The following LPCAT3 variants were observed in gnomAD, a reference collection of about 807,000 sequenced individuals.
The protein encoded by LPCAT3 is lysophosphatidylcholine acyltransferase 3.
A neutral mutation model predicts 63.4 loss-of-function variants in LPCAT3; 21 were observed. That is an observed-to-expected ratio of 0.33 (90% CI 0.23 to 0.48). LPCAT3 has a LOEUF of 0.48. LPCAT3 is among the 20% of genes least tolerant of loss of function. The pLI is 0.99. For synonymous variants in LPCAT3, 242 were observed against 227.5 expected (o/e 1.06, Z -0.58); for missense variants, 451 against 590.6 (o/e 0.76, Z 2.45).
At chr12:6,993,131 T>C (rs1394202481) in intron 1 of LPCAT3, among the ~76,000 whole-genome samples, 1 of 152,258 alleles carries the variant, frequency 6.6e-6, no homozygotes, top group East Asian at 1.9e-4. Context: ...TAAAATGTAA[T>C]GTTTTTTAGT....
At chr12:6,984,068 A>C (rs1214011647) in intron 1 of LPCAT3, among the ~76,000 whole-genome samples, 8 of 152,202 alleles carry the variant, frequency 5.3e-5, no homozygotes, top group African/African-American at 1.7e-4. Flanking sequence ...CTAGCACTGT[A>C]TTATCAGATT....
intron 7 of LPCAT3, chr12:6,978,920 G>T (rs1946439200): frequency 1.8e-6 from 1 of 550,168 alleles, no homozygotes; most frequent in Non-Finnish European, 3.1e-6. Flanking sequence ...GGGCAGCACT[G>T]TATTTAACTT....
chr12:7,005,853 T>C (rs782502301), intron 1 of LPCAT3, among the ~76,000 whole-genome samples: 11 of 152,338 alleles, frequency 7.2e-5, no homozygotes, highest in African/African-American at 2.6e-4. Context: ...TTTTCTCCTA[T>C]TCTGTGGGAT....
intron 1 of LPCAT3, among the ~76,000 whole-genome samples, chr12:6,991,523 G>C (rs1946590457): frequency 6.6e-6 from 1 of 152,144 alleles, no homozygotes; most frequent in African/African-American, 2.4e-5. Flanking sequence ...TTTCACCATT[G>C]ATTTCAGCAG....
At chr12:7,005,399 A>G (rs1946719387) in intron 1 of LPCAT3, among the ~76,000 whole-genome samples, 1 of 152,232 alleles carries the variant, frequency 6.6e-6, no homozygotes, top group African/African-American at 2.4e-5. Flanking sequence ...AAAGCTATGA[A>G]CATTTGTGTA....
chr12:6,990,606 T>C (rs1260326842), intron 1 of LPCAT3, among the ~76,000 whole-genome samples: 2 of 151,698 alleles, frequency 1.3e-5, no homozygotes, highest in East Asian at 3.9e-4. Flanking sequence ...GGGAACTATA[T>C]ATCAATGTCT....
intron 1 of LPCAT3, among the ~76,000 whole-genome samples, chr12:6,994,827 T>G (rs1051266489): frequency 6.6e-6 from 1 of 152,198 alleles, no homozygotes; most frequent in Non-Finnish European, 1.5e-5. Flanking sequence ...GACCCATCTT[T>G]CCGTTTCTTT....
At chr12:6,989,400 C>T (rs1946565377) in intron 1 of LPCAT3, among the ~76,000 whole-genome samples, 1 of 151,106 alleles carries the variant, frequency 6.6e-6, no homozygotes, top group African/African-American at 2.4e-5. Flanking sequence ...AGCTCCGCCT[C>T]CCGGGTTCAC....
rs1946442927 is a variant in LPCAT3, at chr12:6,979,180, G to A, written c.786+291C>T. 4 of 441,156 alleles carry A rather than the reference G, an allele frequency of 9.1e-6. No homozygotes were observed. The East Asian group carries it at 1.6e-4, about 18-fold the overall frequency. 27.3% of individuals were successfully genotyped at this position (441,156 alleles called of 1,614,324 possible). On this transcript the variant is annotated intron_variant, in intron 7 of 12. Transcript: ENST00000261407. ...ATAGGATGGAGAATCAGAAGCTGCT[G>A]TGCTCTGAGGGGTCACGTGGATGTG...
intron 1 of LPCAT3, among the ~76,000 whole-genome samples, chr12:7,012,723 A>G (rs1452412692): frequency 6.6e-6 from 1 of 152,140 alleles, no homozygotes; most frequent in Non-Finnish European, 1.5e-5. Flanking sequence ...ACCAGGCTTC[A>G]CAACTCCCAA....
chr12:6,986,354 A>G (rs909528505), intron 1 of LPCAT3, among the ~76,000 whole-genome samples: 8 of 144,686 alleles, frequency 5.5e-5, no homozygotes, highest in Non-Finnish European at 8.8e-5. Flanking sequence ...GATTCTCTTA[A>G]TAACATTTTC....
chr12:7,002,315 C>A (rs1394706574), intron 1 of LPCAT3, among the ~76,000 whole-genome samples: 1 of 152,180 alleles, frequency 6.6e-6, no homozygotes, highest in African/African-American at 2.4e-5. Flanking sequence ...TATGTGGTAA[C>A]CTGTCTCTTC....
intron 3 of LPCAT3, 137 bp downstream of exon 3, chr12:6,982,539 C>G (rs999962753): frequency 1.5e-6 from 1 of 647,048 alleles, no homozygotes; most frequent in Non-Finnish European, 2.8e-6. Context: ...AGCCACCTAC[C>G]TGAAGTCATA....
Position 6,977,775 on chromosome 12 carries a change from C to T in LPCAT3, c.1041-30G>A, listed in dbSNP as rs1555153507. On this transcript the variant is annotated intron_variant, in intron 9 of 12. Coordinates refer to ENST00000261407, the MANE Select transcript of LPCAT3 (RefSeq NM_005768.6). This position sits in a 1 kb window ranked among gnomAD's most constrained non-coding sequence, Gnocchi z 4.5. ...AGAAAAGGGTGGGTGGGGCGACCCT[C>T]AAACTGACTGGTCCTTGCATCCCGC... 1 of 1,612,986 alleles carries T rather than the reference C, an allele frequency of 6.2e-7. No homozygotes were observed. The highest frequency in any genetic ancestry group is 8.5e-7 in the Non-Finnish European group (1 of 1,179,590).
intron 1 of LPCAT3, among the ~76,000 whole-genome samples, chr12:7,016,365 C>T (rs1404834690): frequency 6.6e-6 from 1 of 151,888 alleles, no homozygotes; most frequent in Non-Finnish European, 1.5e-5. Context: ...CAACCTTCAC[C>T]TCCAGGGTTC....
At chr12:6,980,817 GA>G (rs1482446983) in intron 6 of LPCAT3, 186 bp downstream of exon 6, 2 of 466,216 alleles carry the variant, frequency 4.3e-6, no homozygotes, top group Non-Finnish European at 7.5e-6. Context: ...TGTTAGAATG[GA>G]TAACTGGAAG....
At position 6,982,706 on chromosome 12, in the gene LPCAT3, A is replaced by G. The variant is rs782556629; in HGVS notation, c.336T>C (p.Thr112=). The stretch of plus-strand genomic sequence containing the variant: ...GGAAGCAAAAGGTAGTGAGGACGGC[A>G]GTGATGGTGCGGCCCATTAGTCGAA... ...LILRLMGRTI[T]AVLTTFCFQM... is the part of the protein sequence containing the mutation. Residue 112 remains threonine, a synonymous_variant, in exon 3 of 13, where the codon ACT becomes ACC. Coordinates refer to ENST00000261407, the MANE Select transcript of LPCAT3 (RefSeq NM_005768.6). 22 of 1,613,896 alleles carry G rather than the reference A, an allele frequency of 1.4e-5. No homozygotes were observed. The Admixed American group carries it at 3.7e-4, about 27-fold the overall frequency.
chr12:6,989,103 CAA>C (rs1319084626), intron 1 of LPCAT3, among the ~76,000 whole-genome samples: 1 of 149,674 alleles, frequency 6.7e-6, no homozygotes, highest in African/African-American at 2.5e-5. Context: ...AGCCTGGCAA[CAA>C]GAGCGAAACT....
In LPCAT3 at chr12:7,018,159, G is replaced by T; in HGVS notation, c.151+115C>A. On this transcript the variant is annotated intron_variant, in intron 1 of 12. Transcript: ENST00000261407. The surrounding 1 kb of genome is among the most constrained non-coding windows in gnomAD (Gnocchi z 4.9). ...TTGGTGTGCTTCAGGATTCACACCC[G>T]CACCCGGCACAGCCCTCCCGGGTGG... 1 of 1,248,040 alleles carries T rather than the reference G, an allele frequency of 8.0e-7. No homozygotes were observed. Among genetic ancestry groups the T allele is most frequent in the Non-Finnish European group, 1.1e-6 (1 of 885,232 alleles). 77.3% of individuals were successfully genotyped at this position (1,248,040 alleles called of 1,614,324 possible). A position where few individuals can be genotyped will look rare whatever the true frequency, so the allele number is the denominator to read the frequency against.
Sources: gnomAD v4.1 joint callset for allele counts (sites outside exome capture counted in the v4.1 genomes callset) on GRCh38, gnomAD v4.1.1 for gene constraint, Gnocchi (gnomAD v3.1) non-coding constraint, MANE v1.5 for transcripts, NCBI Gene and HGNC (gene_info 2026-07-23, HGNC 2026-07-21) for gene names.